Variants in SPIDR observed in about 807,000 individuals in gnomAD.
SPIDR encodes scaffold protein involved in DNA repair.
A neutral mutation model predicts 104.6 loss-of-function variants in SPIDR; 93 were observed. The ratio of observed to expected loss-of-function variants is 0.89; its 90% CI spans 0.75 to 1.06. SPIDR has a LOEUF of 1.06. SPIDR is among the 50% of genes least tolerant of loss of function. SPIDR has a pLI of 0.00. For synonymous variants in SPIDR, 431 were observed against 416.9 expected (o/e 1.03, Z -0.41); for missense variants, 1,154 against 1,111.2 (o/e 1.04, Z -0.55).
intron 8 of SPIDR, among the ~76,000 whole-genome samples, chr8:47,533,855 A>G (rs976120587): frequency 6.6e-6 from 1 of 152,226 alleles, no homozygotes; most frequent in Non-Finnish European, 1.5e-5. Flanking sequence ...GGAAAGCAGT[A>G]TGGTGATTCC....
intron 5 of SPIDR, among the ~76,000 whole-genome samples, chr8:47,348,488 T>C (rs1172541367): frequency 6.6e-6 from 1 of 152,230 alleles, no homozygotes; most frequent in Non-Finnish European, 1.5e-5. Context: ...ATTTTGAATG[T>C]TGACCTGCCT....
At chr8:47,296,118 T>C (rs1241450286) in intron 5 of SPIDR, among the ~76,000 whole-genome samples, 1 of 152,200 alleles carries the variant, frequency 6.6e-6, no homozygotes, top group Non-Finnish European at 1.5e-5. Flanking sequence ...CATTTTTAAA[T>C]TGGGTTCTTT....
intron 8 of SPIDR, among the ~76,000 whole-genome samples, chr8:47,567,097 A>ATAAG (rs2057950231): frequency 6.6e-6 from 1 of 152,166 alleles, no homozygotes; most frequent in Admixed American, 6.5e-5. Flanking sequence ...TAATCACAGT[A>ATAAG]TAAGATAGGG....
At chr8:47,647,676 GGGA>G (rs1412868569) in intron 10 of SPIDR, among the ~76,000 whole-genome samples, 1 of 150,610 alleles carries the variant, frequency 6.6e-6, no homozygotes, top group African/African-American at 2.5e-5. Context: ...GAGGGAGAGA[GGGA>G]GAGAGAGAGA....
rs1199959627 is a variant in SPIDR, at chr8:47,321,540, G to C, written c.525+27510G>C. ...CTGCCCAAGGTAATTTATAGATTCA[G>C]TGCGATCCCCATCAAGCTACCAATG... On this transcript the variant is annotated intron_variant, in intron 5 of 19. Coordinates refer to ENST00000297423, the MANE Select transcript of SPIDR (RefSeq NM_001080394.4). Among the ~76,000 whole-genome samples, 5 of 152,214 alleles carry C rather than the reference G, an allele frequency of 3.3e-5. No individual in the cohort carries two copies. In the South Asian group the frequency reaches 6.2e-4, roughly 19 times the overall value.
At position 47,712,663 on chromosome 8, in the gene SPIDR, T is replaced by A. The variant is rs969389922; in HGVS notation, c.1979T>A (p.Leu660Gln). The part of the protein sequence containing the change: ...YATVIYQKPQ[L>Q]KSLLLLEQRE... ...CTTTATTGTGTCTTCAAATTGTAGC[T>A]GAAGAGTCTGCTGCTTCTGGAGCAA... The change falls in exon 15 of 20, where the codon CTG becomes CAG. Residue 660 changes from leucine (L) to glutamine (Q), a missense_variant and splice_region_variant. Physicochemically the swap from Leu to Gln is moderately radical, Grantham distance 113 (BLOSUM62 -2). Transcript: ENST00000297423. 1.9e-6 allele frequency: 3 copies of A among 1,613,606 alleles called. No individual in the cohort carries two copies. Among genetic ancestry groups the A allele is most frequent in the African/African-American group, 1.3e-5 (1 of 75,036 alleles).
intron 8 of SPIDR, among the ~76,000 whole-genome samples, chr8:47,447,777 G>A (rs912517038): frequency 6.6e-6 from 1 of 152,110 alleles, no homozygotes; most frequent in African/African-American, 2.4e-5. Flanking sequence ...AGCCACTCCA[G>A]CCTTCACACA....
At chr8:47,412,462 C>A (rs955628950) in intron 7 of SPIDR, among the ~76,000 whole-genome samples, 1 of 152,144 alleles carries the variant, frequency 6.6e-6, no homozygotes, top group Admixed American at 6.5e-5. Flanking sequence ...CTCTCCTCTT[C>A]AAGTCCGATA....
chr8:47,463,603 A>G (rs1162809820), intron 8 of SPIDR, among the ~76,000 whole-genome samples: 1 of 152,346 alleles, frequency 6.6e-6, no homozygotes, highest in Non-Finnish European at 1.5e-5. Context: ...CCTGATGAAT[A>G]TTGATGAAAA....
chr8:47,287,508 C>T (rs2039076351), intron 3 of SPIDR, among the ~76,000 whole-genome samples: 1 of 152,092 alleles, frequency 6.6e-6, no homozygotes. Context: ...ATCCCAACCG[C>T]ATAAGACAGA....
At chr8:47,590,622 C>T (rs1473299466) in intron 8 of SPIDR, among the ~76,000 whole-genome samples, 1 of 152,004 alleles carries the variant, frequency 6.6e-6, no homozygotes. Context: ...AATATGTATT[C>T]TGCTGTTGTT....
chr8:47,569,280 A>G (rs1587877783), intron 8 of SPIDR, among the ~76,000 whole-genome samples: 1 of 152,350 alleles, frequency 6.6e-6, no homozygotes, highest in East Asian at 1.9e-4. Flanking sequence ...AAAAATTGAC[A>G]GAGTCAAAGG....
chr8:47,617,618 G>A (rs1284463654), intron 10 of SPIDR, among the ~76,000 whole-genome samples: 1 of 152,120 alleles, frequency 6.6e-6, no homozygotes, highest in Non-Finnish European at 1.5e-5. Flanking sequence ...GTGTTAAATA[G>A]GATAATATAT....
chr8:47,437,620 C>T (rs1302034894), intron 7 of SPIDR, among the ~76,000 whole-genome samples: 1 of 151,592 alleles, frequency 6.6e-6, no homozygotes, highest in Non-Finnish European at 1.5e-5. Context: ...TTTATGCAGC[C>T]AAAAAACACA....
chr8:47,275,540 C>T (rs1332615930), intron 1 of SPIDR, among the ~76,000 whole-genome samples: 4 of 151,828 alleles, frequency 2.6e-5, no homozygotes, highest in Non-Finnish European at 5.9e-5. Context: ...TTTCCATTGG[C>T]GTTGCATATA....
intron 8 of SPIDR, among the ~76,000 whole-genome samples, chr8:47,489,662 C>T (rs1470918490): frequency 6.6e-6 from 1 of 152,112 alleles, no homozygotes; most frequent in African/African-American, 2.4e-5. Flanking sequence ...AGATACAGAC[C>T]AATGGAACAG....
chr8:47,463,123 C>G (rs1237611976), intron 8 of SPIDR, among the ~76,000 whole-genome samples: 1 of 152,052 alleles, frequency 6.6e-6, no homozygotes, highest in Non-Finnish European at 1.5e-5. Context: ...CTTTGGGAGG[C>G]TGAGGCAAGC....
intron 8 of SPIDR, among the ~76,000 whole-genome samples, chr8:47,503,292 A>G (rs1223002332): frequency 1.3e-5 from 2 of 152,158 alleles, no homozygotes; most frequent in African/African-American, 4.8e-5. Flanking sequence ...GTAGGTCTCT[A>G]AGGACTTGCT....
chr8:47,360,798 A>G (rs1587679969), intron 5 of SPIDR: 12 of 984,868 alleles, frequency 1.2e-5, no homozygotes, highest in South Asian at 4.7e-5. Context: ...AAATTTGTCT[A>G]CTGGTCACCA....
Sources: gnomAD v4.1 joint callset for allele counts (sites outside exome capture counted in the v4.1 genomes callset) on GRCh38, gnomAD v4.1.1 for gene constraint, MANE v1.5 for transcripts, NCBI Gene and HGNC (gene_info 2026-07-23, HGNC 2026-07-21) for gene names.